Variants in LRPPRC observed in about 807,000 individuals in gnomAD.
LRPPRC encodes leucine-rich PPR motif-containing protein, mitochondrial.
A neutral mutation model predicts 180.3 loss-of-function variants in LRPPRC; 120 were observed. The observed-to-expected ratio is 0.67, with a 90% CI of 0.57 to 0.77. The LOEUF (loss-of-function observed/expected upper bound fraction) is 0.77. LRPPRC is among the 30% of genes least tolerant of loss of function. The pLI, the probability that LRPPRC is intolerant of heterozygous loss-of-function variation, is 0.00. For synonymous variants in LRPPRC, 723 were observed against 600.0 expected, an observed-to-expected ratio of 1.21 and a Z score of -3.00; for missense variants, 2,012 against 1,657.2, an observed-to-expected ratio of 1.21 and a Z score of -3.72.
chr2:43,976,014 T>C, intron 6 of LRPPRC, 129 bp downstream of exon 6: 1 of 635,392 alleles, frequency 1.6e-6, no homozygotes, highest in South Asian at 1.9e-5. Flanking sequence ...ACAAATGTAT[T>C]TTAAGAACTG....
chr2:43,938,895 CTAT>C, intron 23 of LRPPRC, among the ~76,000 whole-genome samples: 1 of 106,438 alleles, frequency 9.4e-6, no homozygotes, highest in Non-Finnish European at 2.1e-5. Context: ...TGACAACTAT[CTAT>C]TTATCTATTA....
In LRPPRC at chr2:43,974,614, C is replaced by G; in HGVS notation, c.1009G>C (p.Asp337His). The change falls in exon 8 of 38, where the codon GAT (aspartate) becomes CAT (histidine). Residue 337 changes from aspartate (D) to histidine (H), a missense_variant and splice_region_variant. Coordinates refer to ENST00000260665, the MANE Select transcript of LRPPRC (RefSeq NM_133259.4). ...KVTCERRYIPDAMNLILLLVT... is the reference protein window; with the variant it reads ...KVTCERRYIPHAMNLILLLVT... ...TGTAAATAGATTTTTTTAAAACTAC[C>G]TGGAATATATCTTCTTTCACATGTA... 6.4e-7 allele frequency: 1 copy of G among 1,571,028 alleles called. No individual in the cohort carries two copies. Among genetic ancestry groups the G allele is most frequent in the Non-Finnish European group, 8.8e-7 (1 of 1,142,688 alleles).
intron 25 of LRPPRC, among the ~76,000 whole-genome samples, chr2:43,933,646 T>C (rs769697277): frequency 1.3e-5 from 2 of 152,124 alleles, no homozygotes; most frequent in Non-Finnish European, 2.9e-5. Flanking sequence ...AATATACTAA[T>C]CCTAAATAGG....
chr2:43,901,231 C>T (rs1670871112), intron 32 of LRPPRC, 89 bp downstream of exon 32: 1 of 880,680 alleles, frequency 1.1e-6, no homozygotes, highest in African/African-American at 1.6e-5. Context: ...AAGGTTTCCA[C>T]ATGTCTAAAA....
intron 36 of LRPPRC, 64 bp from the exon 37 acceptor site, chr2:43,889,940 A>G (rs763158424): frequency 7.2e-5 from 88 of 1,224,052 alleles, no homozygotes; most frequent in Non-Finnish European, 9.8e-5. Flanking sequence ...CTTTTCACCA[A>G]AACAGCCACT....
intron 35 of LRPPRC, 74 bp from the exon 36 acceptor site, chr2:43,894,703 C>A: frequency 1.3e-6 from 1 of 785,922 alleles, no homozygotes; most frequent in Admixed American, 1.8e-5. Flanking sequence ...CAAATCAACA[C>A]TATATTAAAA....
intron 16 of LRPPRC, among the ~76,000 whole-genome samples, chr2:43,948,810 G>T (rs1351348825): frequency 6.6e-6 from 1 of 151,852 alleles, no homozygotes; most frequent in African/African-American, 2.4e-5. Context: ...TCCTGCCCAA[G>T]GCCTTACCCC....
chr2:43,954,018 A>G (rs1416791692), intron 14 of LRPPRC, among the ~76,000 whole-genome samples: 1 of 152,224 alleles, frequency 6.6e-6, no homozygotes, highest in Non-Finnish European at 1.5e-5. Flanking sequence ...TTGAAAAGAA[A>G]AAAACTCAGT....
intron 23 of LRPPRC, among the ~76,000 whole-genome samples, chr2:43,940,286 T>C (rs1291628239): frequency 6.6e-6 from 1 of 152,132 alleles, no homozygotes; most frequent in Non-Finnish European, 1.5e-5. Context: ...CCATAAATAA[T>C]GAAAGTATCC....
rs115347476 is a variant in LRPPRC at position 43,900,124 on chromosome 2, C to T, written c.3570-519G>A. ...TATATGCATGTCTCTAACTTATGGT[C>T]GCCTCAATTTCTTTTTGTCAGGTAT... is the stretch of plus-strand genomic sequence containing the variant. On this transcript the variant is annotated intron_variant, in intron 32 of 37. Coordinates refer to ENST00000260665, the MANE Select transcript of LRPPRC (RefSeq NM_133259.4). 7.5e-3 allele frequency among the ~76,000 whole-genome samples: 1,142 copies of T among 151,978 alleles called. 16 individuals are homozygous for T. Among genetic ancestry groups the T allele is most frequent in the African/African-American group, 0.026 (1,084 of 41,420 alleles).
At position 43,977,280 on chromosome 2, in the gene LRPPRC, C is replaced by T. The variant is rs774035408; in HGVS notation, c.470-4G>A. The T allele has an allele frequency of 2.8e-5, 44 of 1,597,124 alleles. No individual in the cohort carries two copies. The highest frequency in any genetic ancestry group is 3.7e-5 in the Non-Finnish European group (43 of 1,165,710). On this transcript the variant is annotated splice_polypyrimidine_tract_variant and splice_region_variant and intron_variant, in intron 3 of 37. Coordinates refer to ENST00000260665, the MANE Select transcript of LRPPRC (RefSeq NM_133259.4). Reference sequence around the variant, plus strand: ...TGACTCACATCATACACAGCACCTACAAATGAAATTTAAAATGAATTTTTA... The same window carrying T: ...TGACTCACATCATACACAGCACCTATAAATGAAATTTAAAATGAATTTTTA...
At chr2:43,967,768 T>C (rs1673626579) in intron 11 of LRPPRC, among the ~76,000 whole-genome samples, 1 of 152,204 alleles carries the variant, frequency 6.6e-6, no homozygotes, top group Non-Finnish European at 1.5e-5. Context: ...AACATGCATG[T>C]AGAGTTGGTC....
At chr2:43,907,484 A>C (rs1290977026) in intron 30 of LRPPRC, among the ~76,000 whole-genome samples, 1 of 152,186 alleles carries the variant, frequency 6.6e-6, no homozygotes, top group Non-Finnish European at 1.5e-5. Flanking sequence ...AGAGCTCTCA[A>C]ATCAAACTTC....
Position 43,918,238 on chromosome 2 carries a change from T to C in LRPPRC, c.3039+18A>G. On this transcript the variant is annotated intron_variant, in intron 28 of 37. Coordinates refer to ENST00000260665, the MANE Select transcript of LRPPRC (RefSeq NM_133259.4). ...TACTGACAACAAAATCTGTTACGATTATGCCAAAAACAATTACCTCAGGTA... is the reference window on the plus strand; with the variant it reads ...TACTGACAACAAAATCTGTTACGATCATGCCAAAAACAATTACCTCAGGTA... 1 of 1,612,406 alleles carries C rather than the reference T, an allele frequency of 6.2e-7. No homozygotes were observed. The highest frequency in any genetic ancestry group is 8.5e-7 in the Non-Finnish European group (1 of 1,178,490).
chr2:43,996,009 C>G, upstream of LRPPRC: 1 of 1,504,304 alleles, frequency 6.6e-7, no homozygotes, highest in Non-Finnish European at 8.9e-7. Context: ...AGCATGTGAC[C>G]GCAGGGTAGC....
chr2:43,906,479 AAAAC>A (rs1361096331), intron 30 of LRPPRC, among the ~76,000 whole-genome samples: 2 of 152,202 alleles, frequency 1.3e-5, no homozygotes, highest in African/African-American at 4.8e-5. Flanking sequence ...TGAAACAACA[AAAAC>A]AAACAGAAAA....
rs2103715475 is a variant in LRPPRC at position 43,974,732 on chromosome 2, C to G, written c.891G>C (p.Glu297Asp). 6.2e-7 allele frequency: 1 copy of G among 1,613,668 alleles called. No homozygotes were observed. Among genetic ancestry groups the G allele is most frequent in the South Asian group, 1.1e-5 (1 of 91,058 alleles). ...KQTLEKVEKS[E>D]LHLMDRDLLQ... ...GTAAATCACGGTCCATAAGGTGAAG[C>G]TCGGACTTCTCCACCTTCTCCAGAG... is the stretch of plus-strand genomic sequence containing the variant. The change falls in exon 8 of 38, where the codon GAG becomes GAC. Residue 297 changes from glutamate to aspartate, a missense_variant. Glu to Asp is a conservative substitution (Grantham distance 45). Transcript: ENST00000260665.
intron 9 of LRPPRC, 88 bp from the exon 10 acceptor site, chr2:43,973,988 G>T: frequency 9.0e-7 from 1 of 1,107,726 alleles, no homozygotes; most frequent in Non-Finnish European, 1.4e-6. Context: ...TCTGAGATGA[G>T]CATTTTAAAC....
intron 14 of LRPPRC, among the ~76,000 whole-genome samples, chr2:43,954,352 C>T (rs1252465204): frequency 1.3e-5 from 2 of 152,148 alleles, no homozygotes; most frequent in African/African-American, 2.4e-5. Flanking sequence ...TATGCTCTAA[C>T]CCTGCTTAAT....
Sources: gnomAD v4.1 joint callset for allele counts (sites outside exome capture counted in the v4.1 genomes callset) on GRCh38, gnomAD v4.1.1 for gene constraint, MANE v1.5 for transcripts, NCBI Gene and HGNC (gene_info 2026-07-23, HGNC 2026-07-21) for gene names.